The following MID2 variants were observed in gnomAD, a reference collection of about 807,000 sequenced individuals.
MID2 encodes the protein midline 2, also known as probable E3 ubiquitin-protein ligase MID2.
A neutral mutation model predicts 46.1 loss-of-function variants in MID2; 13 were observed. The ratio of observed to expected loss-of-function variants is 0.28; its 90% CI spans 0.18 to 0.45. The LOEUF is 0.45. MID2 is among the 20% of genes least tolerant of loss of function. MID2 has a pLI of 1.00. For missense variants in MID2, 431 were observed against 575.4 expected (o/e 0.75, Z 2.57); for synonymous variants, 199 against 212.3 (o/e 0.94, Z 0.55).
At chrX:107,902,816 T>C (rs1373158986) in intron 3 of MID2, among the ~76,000 whole-genome samples, 1 of 111,270 alleles carries the variant, frequency 9.0e-6, no homozygotes, top group Non-Finnish European at 1.9e-5. Context: ...AAGTAACCCA[T>C]TGTCTGTTCC....
intron 3 of MID2, among the ~76,000 whole-genome samples, chrX:107,879,298 TA>T (rs1013785174): frequency 9.0e-6 from 1 of 111,636 alleles, no homozygotes; most frequent in African/African-American, 3.3e-5. Context: ...TTGGAGATGG[TA>T]AACTTGGGGG....
Position 107,924,539 on chromosome X carries a change from TTTC to T in MID2, c.1597+40_1597+42del. The T allele has an allele frequency of 5.0e-6, 6 of 1,195,202 alleles. No individual in the cohort carries two copies. The South Asian group carries it at 9.0e-5, about 18-fold the overall frequency. On this transcript the variant is annotated intron_variant, in intron 8 of 9. Coordinates refer to ENST00000262843, the MANE Select transcript of MID2 (RefSeq NM_012216.4). ...GGTGATTTCAAAAGGAAAGATCAAT[TTTC>T]TTCTCCATGCCAGGGGAGTACACAG...
chrX:107,873,986 G>A (rs1294156136), intron 3 of MID2, among the ~76,000 whole-genome samples: 1 of 112,084 alleles, frequency 8.9e-6, no homozygotes, highest in Non-Finnish European at 1.9e-5. Flanking sequence ...AATTAGTTTG[G>A]CTAATTAAGC....
At chrX:107,864,681 A>G (rs1931920289) in intron 3 of MID2, among the ~76,000 whole-genome samples, 1 of 112,202 alleles carries the variant, frequency 8.9e-6, no homozygotes, top group African/African-American at 3.2e-5. Context: ...TGCACATTTA[A>G]AACAGGATAT....
rs748726207 is a variant in MID2 at position 107,840,899 on chromosome X, CTGCAGGTATGTTATCT to C, written c.235_250del (p.Cys79ArgfsTer2). 8.3e-7 allele frequency: 1 copy of C among 1,211,424 alleles called. No individual in the cohort carries two copies. The highest frequency in any genetic ancestry group is 3.0e-5 in the East Asian group (1 of 33,833). On this transcript the variant is annotated frameshift_variant, in exon 2 of 10. Coordinates refer to ENST00000262843, the MANE Select transcript of MID2 (RefSeq NM_012216.4). LOFTEE classifies it high-confidence loss of function. ...CCATTACTGCTTTCCAGTGTCCTACCTGCAGGTATGTTATCTCGCTGAACCACCGGGGCCTGGATGG... is the reference window on the plus strand; with the variant it reads ...CCATTACTGCTTTCCAGTGTCCTACCCGCTGAACCACCGGGGCCTGGATGG...
chrX:107,873,255 C>T lies in MID2; in HGVS notation c.816+18551C>T, dbSNP rs1409890998. Among the ~76,000 whole-genome samples the T allele has an allele frequency of 3.1e-4, 35 of 112,307 alleles. No individual in the cohort carries two copies. In the Admixed American group the frequency reaches 3.2e-3, roughly 10 times the overall value. On this transcript the variant is annotated intron_variant, in intron 3 of 9. Transcript: ENST00000262843. ...AGGTATCTATCCACACTAGGAGATACTGGATGCCTCTTGCCTTTGGCATAT... is the reference window on the plus strand; with the variant it reads ...AGGTATCTATCCACACTAGGAGATATTGGATGCCTCTTGCCTTTGGCATAT...
chrX:107,889,409 G>A lies in MID2; in HGVS notation c.817-14549G>A, dbSNP rs188059161. 3.8e-3 allele frequency among the ~76,000 whole-genome samples: 426 copies of A among 111,321 alleles called. 3 individuals carry two copies. The highest frequency in any genetic ancestry group is 0.013 in the African/African-American group (413 of 30,609). On this transcript the variant is annotated intron_variant, in intron 3 of 9. Transcript: ENST00000262843. ...TAGTTTGGCTGGATATGAAATTCTG[G>A]GTTGAAAATTCTTTTCTTTAAGAAT... is the stretch of plus-strand genomic sequence containing the variant.
Position 107,928,640 on chromosome X carries a change from A to G in MID2, c.*1567A>G, listed in dbSNP as rs981359467. Among the ~76,000 whole-genome samples, 1 of 111,706 alleles carries G rather than the reference A, an allele frequency of 9.0e-6. No homozygotes were observed. The highest frequency in any genetic ancestry group is 3.3e-5 in the African/African-American group (1 of 30,742). ...GCTCATTTATTAATTCATTCAATAA[A>G]CTATTAGATGCCAGGTACCAAACTA... On this transcript the variant is annotated 3_prime_UTR_variant, in exon 10 of 10. Coordinates refer to ENST00000262843, the MANE Select transcript of MID2 (RefSeq NM_012216.4).
rs143923920 is a variant in MID2 at position 107,843,612 on chromosome X, T to C, written c.720+2227T>C. Among the ~76,000 whole-genome samples, 981 of 111,586 alleles carry C rather than the reference T, an allele frequency of 8.8e-3. 12 individuals carry two copies. Among genetic ancestry groups the C allele is most frequent in the African/African-American group, 0.03 (921 of 30,744 alleles). ...TCATTCCCAACTGTGTGGTTCGTTA[T>C]GTTGTCTGAAACATCTTGGACTTTG... On this transcript the variant is annotated intron_variant, in intron 2 of 9. Coordinates refer to ENST00000262843, the MANE Select transcript of MID2 (RefSeq NM_012216.4).
intron 3 of MID2, among the ~76,000 whole-genome samples, chrX:107,902,125 C>T (rs1211590317): frequency 1.8e-5 from 2 of 111,868 alleles, no homozygotes; most frequent in African/African-American, 6.5e-5. Context: ...GTCACTTAAT[C>T]TCTCTGTGCT....
Position 107,930,948 on chromosome X carries a change from A to G in MID2, c.*3875A>G, listed in dbSNP as rs982357543. On this transcript the variant is annotated 3_prime_UTR_variant, in exon 10 of 10. Transcript: ENST00000262843. ...ATAAAGTAAAACCTGTTTTGAGAGTATGAAAGAAATTTTAATGCCACATTG... is the reference window on the plus strand; with the variant it reads ...ATAAAGTAAAACCTGTTTTGAGAGTGTGAAAGAAATTTTAATGCCACATTG... 1.8e-5 allele frequency among the ~76,000 whole-genome samples: 2 copies of G among 112,552 alleles called. No homozygotes were observed. Among genetic ancestry groups the G allele is most frequent in the Admixed American group, 9.4e-5 (1 of 10,631 alleles).
In MID2 at chrX:107,845,024, G is replaced by C. The variant is rs145285321; in HGVS notation, c.720+3639G>C. On this transcript the variant is annotated intron_variant, in intron 2 of 9. Coordinates refer to ENST00000262843, the MANE Select transcript of MID2 (RefSeq NM_012216.4). ...GGAAATATACCAGTGCCTATAGCTTGCTTTGGATCTCATCTAAGAAGATAT... is the reference window on the plus strand; with the variant it reads ...GGAAATATACCAGTGCCTATAGCTTCCTTTGGATCTCATCTAAGAAGATAT... Among the ~76,000 whole-genome samples, 305 of 111,696 alleles carry C rather than the reference G, an allele frequency of 2.7e-3. 4 individuals are homozygous for C. In the East Asian group the frequency reaches 0.05, roughly 18 times the overall value.
At chrX:107,867,876 T>C (rs1235187761) in intron 3 of MID2, among the ~76,000 whole-genome samples, 1 of 111,251 alleles carries the variant, frequency 9.0e-6, no homozygotes, top group East Asian at 2.8e-4. Flanking sequence ...ACGAGTTCAG[T>C]TTGGAAACAC....
Position 107,844,548 on chromosome X carries a change from A to T in MID2, c.720+3163A>T, listed in dbSNP as rs751301810. On this transcript the variant is annotated intron_variant, in intron 2 of 9. Coordinates refer to ENST00000262843, the MANE Select transcript of MID2 (RefSeq NM_012216.4). ...CATTATCACATGAGTTTCCATCCTT[A>T]TAAAAGATTGTTGTTATCGTTTTAA... 1.1e-3 allele frequency among the ~76,000 whole-genome samples: 123 copies of T among 111,317 alleles called. 1 individual carries two copies. Among genetic ancestry groups the T allele is most frequent in the African/African-American group, 3.8e-3 (118 of 30,650 alleles).
At chrX:107,901,125 G>C (rs1376671561) in intron 3 of MID2, 1 of 112,046 alleles carries the variant, frequency 8.9e-6, no homozygotes, top group Non-Finnish European at 1.9e-5. Flanking sequence ...CCTTGGCTCA[G>C]ATCCTCACTA....
chrX:107,911,543 G>T (rs1932896841), intron 5 of MID2, among the ~76,000 whole-genome samples: 1 of 111,317 alleles, frequency 9.0e-6, no homozygotes, highest in South Asian at 3.8e-4. Context: ...TTTTCTTCTT[G>T]AGAATATTGT....
At position 107,930,734 on chromosome X, in the gene MID2, T is replaced by C. The variant is rs757879160; in HGVS notation, c.*3661T>C. On this transcript the variant is annotated 3_prime_UTR_variant, in exon 10 of 10. Transcript: ENST00000262843. ...TTGGCTACCTCTAGCTAAACCCAGC[T>C]GGACAAAGAGAATAGGACTTGTATT... Among the ~76,000 whole-genome samples the C allele has an allele frequency of 3.6e-5, 4 of 112,248 alleles. No homozygotes were observed. Among genetic ancestry groups the C allele is most frequent in the Non-Finnish European group, 5.6e-5 (3 of 53,207 alleles).
Position 107,917,520 on chromosome X carries a change from T to C in MID2, c.1216T>C (p.Ser406Pro), listed in dbSNP as rs1285933918. ...LDYLTAPNPP[S>P]IREELCTASH... is the part of the protein sequence containing the mutation. ...TTTCCTTACAGCCCCAAACCCACCA[T>C]CTATCCGAGAAGAACTCTGTACTGC... Residue 406 changes from serine (S) to proline (P), a missense_variant, in exon 7 of 10, where the codon TCT becomes CCT. Coordinates refer to ENST00000262843, the MANE Select transcript of MID2 (RefSeq NM_012216.4). 1.7e-6 allele frequency: 2 copies of C among 1,207,263 alleles called. No individual in the cohort carries two copies. The highest frequency in any genetic ancestry group is 3.5e-5 in the African/African-American group (2 of 56,999).
chrX:107,894,968 C>T (rs756411745), intron 3 of MID2: 1 of 109,994 alleles, frequency 9.1e-6, no homozygotes, highest in East Asian at 2.8e-4. Context: ...CTGCCTAAAA[C>T]ATTATGGGAC....
Sources: gnomAD v4.1 joint callset for allele counts (sites outside exome capture counted in the v4.1 genomes callset) on GRCh38, gnomAD v4.1.1 for gene constraint, MANE v1.5 for transcripts, NCBI Gene and HGNC (gene_info 2026-07-23, HGNC 2026-07-21) for gene names.